The following SEMA3A variants were observed in gnomAD, a reference collection of about 807,000 sequenced individuals.
The protein encoded by SEMA3A is semaphorin 3A.
In SEMA3A, 29 loss-of-function variants were observed where a neutral mutation model predicts 97.9. That is an observed-to-expected ratio of 0.30 (90% confidence interval 0.22 to 0.40). SEMA3A has a LOEUF of 0.40. Among genes scored for constraint, SEMA3A ranks in the 10% least tolerant of loss-of-function variants. The probability of loss-of-function intolerance (pLI) is 1.00; values close to 1 mark genes in which losing one functional copy is unlikely to be tolerated. For missense variants in SEMA3A, 763 were observed against 951.3 expected (o/e 0.80, Z 2.60); for synonymous variants, 321 against 323.7 (o/e 0.99, Z 0.09).
chr7:84,004,006 T>TTAAG (rs1562966820), intron 11 of SEMA3A, among the ~76,000 whole-genome samples: 1 of 152,128 alleles, frequency 6.6e-6, no homozygotes, highest in African/African-American at 2.4e-5. Context: ...TTATAAAACT[T>TTAAG]TAAGTCTTTA....
intron 13 of SEMA3A, among the ~76,000 whole-genome samples, chr7:83,983,154 T>A (rs1789485030): frequency 6.6e-6 from 1 of 152,094 alleles, no homozygotes; most frequent in African/African-American, 2.4e-5. Context: ...GAAAAATAGA[T>A]TAAGTATTGT....
intron 1 of SEMA3A, among the ~76,000 whole-genome samples, chr7:84,394,535 A>G (rs1208628809): frequency 1.3e-5 from 2 of 152,154 alleles, no homozygotes; most frequent in African/African-American, 4.8e-5. Context: ...GGCTCATTTC[A>G]TATATCTAAA....
At chr7:84,115,320 A>C (rs1795391706) in intron 3 of SEMA3A, among the ~76,000 whole-genome samples, 1 of 152,070 alleles carries the variant, frequency 6.6e-6, no homozygotes. Flanking sequence ...CATTTCAGTT[A>C]AGTGCCCAAT....
At chr7:84,454,438 G>A (rs1759111232) in intron 1 of SEMA3A, among the ~76,000 whole-genome samples, 2 of 152,208 alleles carry the variant, frequency 1.3e-5, no homozygotes, top group Non-Finnish European at 1.5e-5. Context: ...GAGGAGCTGA[G>A]TAACCAGTTA....
At chr7:83,975,510 AAAAC>A (rs571430458) in intron 15 of SEMA3A, among the ~76,000 whole-genome samples, 63 of 152,304 alleles carry the variant, frequency 4.1e-4, no homozygotes, top group African/African-American at 1.5e-3. Context: ...TCTCTACTGA[AAAAC>A]AAAAGTAATA....
At chr7:84,294,251 C>T (rs936798508) in intron 3 of SEMA3A, among the ~76,000 whole-genome samples, 2 of 151,880 alleles carry the variant, frequency 1.3e-5, no homozygotes, top group African/African-American at 2.4e-5. Context: ...AAGCCATGAG[C>T]GTGCCTACTT....
chr7:84,410,104 T>C (rs923452210), intron 1 of SEMA3A, among the ~76,000 whole-genome samples: 9 of 152,024 alleles, frequency 5.9e-5, no homozygotes, highest in Admixed American at 1.3e-4. Flanking sequence ...TACAAGACTG[T>C]TAATTGTTTT....
At chr7:83,981,980 T>C (rs564463232) in intron 13 of SEMA3A, among the ~76,000 whole-genome samples, 2 of 118,002 alleles carry the variant, frequency 1.7e-5, no homozygotes, top group South Asian at 2.4e-4. Context: ...TGAAAAAACT[T>C]TGGGCTCAAC....
intron 1 of SEMA3A, among the ~76,000 whole-genome samples, chr7:84,151,754 A>G (rs1796679167): frequency 6.6e-6 from 1 of 152,118 alleles, no homozygotes; most frequent in African/African-American, 2.4e-5. Context: ...CAGAGTGAAC[A>G]GGCAACCTAC....
At chr7:84,424,716 TAAATTATTTATATA>T (rs1562942870) in intron 1 of SEMA3A, among the ~76,000 whole-genome samples, 7 of 99,064 alleles carry the variant, frequency 7.1e-5, no homozygotes, top group Non-Finnish European at 1.0e-4. Context: ...ATATAATATA[TAAATTATTTATATA>T]TTATATATTT....
Position 83,961,338 on chromosome 7 carries a change from C to T in SEMA3A, c.*33G>A, listed in dbSNP as rs1406410575. On this transcript the variant is annotated 3_prime_UTR_variant, in exon 17 of 17. Coordinates refer to ENST00000265362, the MANE Select transcript of SEMA3A (RefSeq NM_006080.3). ...TTCCAGTTATTGTCTAGGCAAGTTTCTACTTGTTTGAGGTTTCTAGAGGTA... is the reference window on the plus strand; with the variant it reads ...TTCCAGTTATTGTCTAGGCAAGTTTTTACTTGTTTGAGGTTTCTAGAGGTA... 4 of 1,554,284 alleles carry T rather than the reference C, an allele frequency of 2.6e-6. No individual in the cohort carries two copies. In the East Asian group the frequency reaches 9.0e-5, roughly 35 times the overall value.
intron 1 of SEMA3A, among the ~76,000 whole-genome samples, chr7:84,176,872 A>G (rs1388131686): frequency 6.6e-6 from 1 of 152,274 alleles, no homozygotes; most frequent in South Asian, 2.1e-4. Flanking sequence ...AGTGAAGATA[A>G]CTGACTATGG....
intron 1 of SEMA3A, among the ~76,000 whole-genome samples, chr7:84,147,696 A>C (rs187225326): frequency 6.6e-6 from 1 of 152,334 alleles, no homozygotes; most frequent in African/African-American, 2.4e-5. Context: ...AGTTGGATAA[A>C]GTAGATATGT....
rs558496744 is a variant in SEMA3A, at chr7:84,060,456, A to T, written c.547+9T>A. ...AAACTCACTATTTAATTGATTGTTG[A>T]CTACGCACCTATTAAAAGGGATGCT... On this transcript the variant is annotated intron_variant, in intron 5 of 16. Coordinates refer to ENST00000265362, the MANE Select transcript of SEMA3A (RefSeq NM_006080.3). 1.7e-5 allele frequency: 26 copies of T among 1,547,412 alleles called. 1 individual carries two copies. In the East Asian group the frequency reaches 5.8e-4, roughly 35 times the overall value.
chr7:84,020,786 CCTT>C (rs1185404421), intron 6 of SEMA3A, among the ~76,000 whole-genome samples: 43 of 151,966 alleles, frequency 2.8e-4, no homozygotes, highest in African/African-American at 9.2e-4. Context: ...TAATTTGTGT[CCTT>C]ATTATTTTAC....
chr7:83,991,715 G>T (rs1327185648), intron 12 of SEMA3A, among the ~76,000 whole-genome samples: 9 of 150,612 alleles, frequency 6.0e-5, no homozygotes, highest in African/African-American at 2.2e-4. Flanking sequence ...TGCTGGATTC[G>T]GTTTGCCAGT....
chr7:83,972,015 G>A (rs560848731), intron 15 of SEMA3A, among the ~76,000 whole-genome samples: 4 of 59,606 alleles, frequency 6.7e-5, no homozygotes, highest in Non-Finnish European at 1.2e-4. Context: ...ACATATATAC[G>A]TGTGTGTCTA....
intron 15 of SEMA3A, among the ~76,000 whole-genome samples, chr7:83,971,454 A>C (rs1373019850): frequency 1.3e-5 from 2 of 152,034 alleles, no homozygotes; most frequent in Non-Finnish European, 2.9e-5. Context: ...AAACCTAACA[A>C]ACTATTTAAT....
intron 2 of SEMA3A, among the ~76,000 whole-genome samples, chr7:84,317,994 GT>G (rs1801551004): frequency 6.6e-6 from 1 of 151,966 alleles, no homozygotes; most frequent in Non-Finnish European, 1.5e-5. Context: ...AAAAAGAGTT[GT>G]CCATAAAATG....
Sources: gnomAD v4.1 joint callset for allele counts (sites outside exome capture counted in the v4.1 genomes callset) on GRCh38, gnomAD v4.1.1 for gene constraint, MANE v1.5 for transcripts, NCBI Gene and HGNC (gene_info 2026-07-23, HGNC 2026-07-21) for gene names.